ARL15: variants seen among roughly 807,000 people sequenced by gnomAD.
The protein encoded by ARL15 is ADP-ribosylation factor-like protein 15.
Under a neutral mutation model 25.2 loss-of-function variants are expected in ARL15, and 19 were observed. The observed-to-expected ratio is 0.75, with a 90% CI of 0.53 to 1.10. The LOEUF (loss-of-function observed/expected upper bound fraction) is 1.10, where lower values mean the gene tolerates loss of function less well. Ranked by LOEUF, ARL15 falls within the 50% of genes least tolerant of loss-of-function variation. The pLI is 0.00. For missense variants in ARL15, 220 were observed against 246.0 expected (o/e 0.89, Z 0.71); for synonymous variants, 94 against 86.8 (o/e 1.08, Z -0.46).
intron 1 of ARL15, among the ~76,000 whole-genome samples, chr5:54,277,427 G>A (rs540783734): frequency 6.6e-6 from 1 of 152,318 alleles, no homozygotes; most frequent in African/African-American, 2.4e-5. Flanking sequence ...TTTGAAGGAT[G>A]AATGCTTTCT....
At chr5:54,138,388 C>G (rs1322229179) in intron 3 of ARL15, among the ~76,000 whole-genome samples, 1 of 152,130 alleles carries the variant, frequency 6.6e-6, no homozygotes, top group African/African-American at 2.4e-5. Context: ...ACCAACTGAC[C>G]TTTGGCAAAG....
chr5:54,274,570 A>C (rs13180005), intron 1 of ARL15, among the ~76,000 whole-genome samples: 90,293 of 151,978 alleles, frequency 0.59, 28,007 homozygotes, highest in Non-Finnish European at 0.69. Flanking sequence ...TCTCACTCTA[A>C]TTGAGAACAT....
chr5:53,966,259 C>T (rs997166761), intron 4 of ARL15, among the ~76,000 whole-genome samples: 6 of 152,136 alleles, frequency 3.9e-5, no homozygotes, highest in South Asian at 2.1e-4. Context: ...GAACAGGGTT[C>T]GGAGAGCTTC....
chr5:54,196,044 TG>T (rs1561262076), intron 1 of ARL15, among the ~76,000 whole-genome samples: 1 of 152,206 alleles, frequency 6.6e-6, no homozygotes, highest in African/African-American at 2.4e-5. Flanking sequence ...GGATTCTACC[TG>T]ACTCTTTTTA....
intron 1 of ARL15, among the ~76,000 whole-genome samples, chr5:54,285,816 A>G (rs1758165671): frequency 6.6e-6 from 1 of 152,180 alleles, no homozygotes; most frequent in Non-Finnish European, 1.5e-5. Flanking sequence ...TCTCAATAGC[A>G]GACAAATGGG....
intron 1 of ARL15, among the ~76,000 whole-genome samples, chr5:54,274,332 A>C (rs2112652926): frequency 6.6e-6 from 1 of 152,338 alleles, no homozygotes; most frequent in African/African-American, 2.4e-5. Flanking sequence ...TGCATTCCCC[A>C]GAATAAAACA....
intron 1 of ARL15, among the ~76,000 whole-genome samples, chr5:54,176,021 T>C (rs1327151988): frequency 4.6e-5 from 7 of 152,170 alleles, no homozygotes; most frequent in Admixed American, 4.6e-4. Flanking sequence ...TATAACCGAA[T>C]GTCATAAGGA....
At chr5:54,128,658 A>G (rs777184715) in intron 3 of ARL15, among the ~76,000 whole-genome samples, 18 of 151,490 alleles carry the variant, frequency 1.2e-4, no homozygotes, top group East Asian at 3.9e-4. Flanking sequence ...TTAGGCTTCA[A>G]CCTATCTCTG....
intron 4 of ARL15, among the ~76,000 whole-genome samples, chr5:54,055,898 G>A (rs1201570542): frequency 1.3e-5 from 2 of 152,094 alleles, no homozygotes; most frequent in Non-Finnish European, 2.9e-5. Context: ...CTAGTGAACT[G>A]TGGGCTCCCC....
intron 3 of ARL15, among the ~76,000 whole-genome samples, chr5:54,143,485 C>T (rs545133186): frequency 2.6e-5 from 4 of 151,424 alleles, no homozygotes; most frequent in African/African-American, 9.7e-5. Context: ...GTAGAAGTGT[C>T]TTTTGTCACC....
chr5:54,004,350 G>A (rs1165373316), intron 4 of ARL15, among the ~76,000 whole-genome samples: 1 of 151,986 alleles, frequency 6.6e-6, no homozygotes, highest in Non-Finnish European at 1.5e-5. Flanking sequence ...AAAATTAGCT[G>A]GGCATGGTGG....
At chr5:54,249,350 G>A (rs1757178303) in intron 1 of ARL15, among the ~76,000 whole-genome samples, 1 of 152,140 alleles carries the variant, frequency 6.6e-6, no homozygotes, top group African/African-American at 2.4e-5. Flanking sequence ...AGAGAAGGAA[G>A]AGTCAAATGT....
Position 54,127,981 on chromosome 5 carries a change from ACTGGATCC to A in ARL15, c.254-14579_254-14572del, listed in dbSNP as rs1163962717. 1.1e-4 allele frequency among the ~76,000 whole-genome samples: 17 copies of A among 149,730 alleles called. No individual in the cohort carries two copies. In the East Asian group the frequency reaches 2.9e-3, roughly 25 times the overall value. ...GGCTAGCCATATGTAGCAAGCTGAA[ACTGGATCC>A]CTTCCTTACACCTTATACAAAAATT... On this transcript the variant is annotated intron_variant, in intron 3 of 4. Transcript: ENST00000504924.
intron 4 of ARL15, among the ~76,000 whole-genome samples, chr5:54,071,525 C>A (rs202180128): frequency 2.6e-5 from 1 of 39,002 alleles, no homozygotes; most frequent in Non-Finnish European, 4.6e-5. Flanking sequence ...CCCCCCCCCC[C>A]GCAAAGCCAG....
At chr5:54,230,673 C>A (rs942311583) in intron 1 of ARL15, among the ~76,000 whole-genome samples, 2 of 152,172 alleles carry the variant, frequency 1.3e-5, no homozygotes, top group Non-Finnish European at 2.9e-5. Flanking sequence ...ATGAGCAAGT[C>A]TTCCCTGTAA....
intron 4 of ARL15, among the ~76,000 whole-genome samples, chr5:54,041,455 A>G (rs1750340363): frequency 6.6e-6 from 1 of 152,228 alleles, no homozygotes; most frequent in African/African-American, 2.4e-5. Context: ...AATTACCATG[A>G]ACAGGAGGCA....
Position 54,173,860 on chromosome 5 carries a change from C to T in ARL15, c.49-1932G>A, listed in dbSNP as rs1048467040. 2.0e-5 allele frequency among the ~76,000 whole-genome samples: 3 copies of T among 152,100 alleles called. No individual in the cohort carries two copies. In the South Asian group the frequency reaches 6.2e-4, roughly 32 times the overall value. ...CACCAGCCTCATTGCCCTCACTCCCCTACATCCTCCAGCCATGCCCTCTCT... is the reference window on the plus strand; with the variant it reads ...CACCAGCCTCATTGCCCTCACTCCCTTACATCCTCCAGCCATGCCCTCTCT... On this transcript the variant is annotated intron_variant, in intron 1 of 4. Transcript: ENST00000504924.
At chr5:53,982,038 A>G (rs1282310729) in intron 4 of ARL15, among the ~76,000 whole-genome samples, 1 of 152,192 alleles carries the variant, frequency 6.6e-6, no homozygotes, top group Non-Finnish European at 1.5e-5. Flanking sequence ...CTTGGAACCA[A>G]GAGAGAACAC....
intron 1 of ARL15, among the ~76,000 whole-genome samples, chr5:54,197,801 C>T (rs918759451): frequency 2.6e-5 from 4 of 152,100 alleles, no homozygotes; most frequent in African/African-American, 7.2e-5. Flanking sequence ...TTTTATGAGG[C>T]CAGCATCATC....
Sources: allele counts gnomAD v4.1 joint callset (sites outside exome capture counted in the v4.1 genomes callset), GRCh38; gene constraint gnomAD v4.1.1; transcripts MANE v1.5; gene names NCBI Gene and HGNC (gene_info 2026-07-23, HGNC 2026-07-21).